Variants in RBM5 observed in about 807,000 individuals in gnomAD.
The protein encoded by RBM5 is RNA binding motif protein 5, also known as RNA-binding protein 5.
In RBM5, 15 loss-of-function variants were observed where a neutral mutation model predicts 124.6. The ratio of observed to expected loss-of-function variants is 0.12; its 90% CI spans 0.08 to 0.19. The LOEUF (loss-of-function observed/expected upper bound fraction) is 0.19. Among genes scored for constraint, RBM5 ranks in the 10% least tolerant of loss-of-function variants. The probability of loss-of-function intolerance (pLI) is 1.00; values close to 1 mark genes in which losing one functional copy is unlikely to be tolerated. For missense variants in RBM5, 580 were observed against 1,026.5 expected, an observed-to-expected ratio of 0.57 and a Z score of 5.94; for synonymous variants, 337 against 361.2, an observed-to-expected ratio of 0.93 and a Z score of 0.76.
chr3:50,118,202 T>A (rs572185069), intron 24 of RBM5, 129 bp from the exon 25 acceptor site: 1 of 1,281,178 alleles, frequency 7.8e-7, no homozygotes, highest in Non-Finnish European at 1.1e-6. Context: ...GGAGAAATCC[T>A]TGTCTTCATA....
In RBM5 at chr3:50,117,021, G is replaced by T; in HGVS notation, c.2095-53G>T. The T allele has an allele frequency of 6.6e-7, 1 of 1,518,076 alleles. No individual in the cohort carries two copies. The highest frequency in any genetic ancestry group is 9.1e-7 in the Non-Finnish European group (1 of 1,093,306). 94.0% of individuals were successfully genotyped at this position (1,518,076 alleles called of 1,614,324 possible). On this transcript the variant is annotated intron_variant, in intron 22 of 24. Coordinates refer to ENST00000347869, the MANE Select transcript of RBM5 (RefSeq NM_005778.4). This position sits in a 1 kb window ranked among gnomAD's most constrained non-coding sequence, Gnocchi z 4.2. Reference sequence around the variant, plus strand: ...TAGTTTTGAATAGGTGCATTAGACGGTTACAGGTTGAAGTCTGTGAACATT... The same window carrying T: ...TAGTTTTGAATAGGTGCATTAGACGTTTACAGGTTGAAGTCTGTGAACATT...
chr3:50,105,248 A>G (rs2091007400), intron 9 of RBM5, 106 bp downstream of exon 9: 2 of 959,970 alleles, frequency 2.1e-6, no homozygotes, highest in South Asian at 3.3e-5. Flanking sequence ...CTCTACTAAA[A>G]ATACAAAAAA....
chr3:50,111,592 C>G (rs2091145923), intron 17 of RBM5, among the ~76,000 whole-genome samples: 2 of 152,090 alleles, frequency 1.3e-5, no homozygotes, highest in Admixed American at 1.3e-4. Flanking sequence ...CCAGGCTGGT[C>G]TCGAACTCCT....
intron 11 of RBM5, 38 bp downstream of exon 11, chr3:50,106,902 T>C: frequency 6.8e-7 from 1 of 1,467,680 alleles, no homozygotes; most frequent in Non-Finnish European, 9.6e-7. Context: ...AACTACTGCA[T>C]ATGCACATTT....
At chr3:50,115,781 G>A (rs1415605254) in intron 21 of RBM5, 125 bp from the exon 22 acceptor site, 1 of 1,201,374 alleles carries the variant, frequency 8.3e-7, no homozygotes, top group African/African-American at 1.5e-5. Flanking sequence ...TCAAACTATA[G>A]TTTTTATGTG....
intron 9 of RBM5, 72 bp from the exon 10 acceptor site, chr3:50,105,477 C>G: frequency 6.8e-7 from 1 of 1,473,250 alleles, no homozygotes; most frequent in Non-Finnish European, 9.3e-7. Context: ...TGTACTTGAC[C>G]CTATCTTGGA....
At chr3:50,091,172 G>A (rs1179542667) in intron 2 of RBM5, among the ~76,000 whole-genome samples, 1 of 152,168 alleles carries the variant, frequency 6.6e-6, no homozygotes, top group Non-Finnish European at 1.5e-5. Context: ...ATGTCACATG[G>A]TATTTTAATG....
At chr3:50,098,076 A>G (rs915079754) in intron 4 of RBM5, among the ~76,000 whole-genome samples, 3 of 152,152 alleles carry the variant, frequency 2.0e-5, no homozygotes, top group Non-Finnish European at 4.4e-5. Flanking sequence ...CAGCCTGGGC[A>G]ACAGAGTGAG....
chr3:50,114,538 A>T (rs1484900585), intron 20 of RBM5: 4 of 376,432 alleles, frequency 1.1e-5, no homozygotes, highest in Non-Finnish European at 1.9e-5. Flanking sequence ...GAAAATTAAG[A>T]CAAGAAAAAG....
intron 22 of RBM5, 85 bp from the exon 23 acceptor site, chr3:50,116,989 G>A: frequency 8.1e-7 from 1 of 1,240,344 alleles, no homozygotes; most frequent in Non-Finnish European, 1.2e-6. Flanking sequence ...AAAAATACTT[G>A]AGGGGATAGT....
At chr3:50,106,926 AC>A (rs2091044101) in intron 11 of RBM5, 62 bp downstream of exon 11, 1 of 1,347,466 alleles carries the variant, frequency 7.4e-7, no homozygotes, top group African/African-American at 1.4e-5. Context: ...CAGTGTGCTA[AC>A]TGAACGCCAA....
chr3:50,093,648 T>G, intron 3 of RBM5, 72 bp from the exon 4 acceptor site: 1 of 1,480,066 alleles, frequency 6.8e-7, no homozygotes, highest in South Asian at 1.2e-5. Flanking sequence ...TAAGGATAAT[T>G]TCTAGGAGTG....
intron 3 of RBM5, chr3:50,092,863 C>A: frequency 3.7e-6 from 1 of 267,362 alleles, no homozygotes; most frequent in Non-Finnish European, 7.8e-6. Context: ...AGCCTGGGCA[C>A]CATAGGGAGA....
intron 22 of RBM5, chr3:50,116,312 A>C (rs1033227544): frequency 2.6e-5 from 7 of 266,036 alleles, no homozygotes; most frequent in African/African-American, 4.4e-5. Context: ...ATGGGCAAAG[A>C]AGTGCGCTTC....
intron 11 of RBM5, 60 bp from the exon 12 acceptor site, chr3:50,107,422 G>T: frequency 7.6e-7 from 1 of 1,324,282 alleles, no homozygotes; most frequent in South Asian, 1.2e-5. Context: ...TGGTGGTATA[G>T]GGGCACTAAT....
chr3:50,106,024 A>G (rs147443805), intron 10 of RBM5, among the ~76,000 whole-genome samples: 1 of 147,318 alleles, frequency 6.8e-6, no homozygotes, highest in Non-Finnish European at 1.5e-5. Flanking sequence ...ACCATCTCGG[A>G]TCACTGCAAC....
At chr3:50,108,735 C>T in intron 14 of RBM5, among the ~76,000 whole-genome samples, 1 of 152,070 alleles carries the variant, frequency 6.6e-6, no homozygotes, top group East Asian at 1.9e-4. Flanking sequence ...ATGTAGGGGG[C>T]ATATTCAGGG....
intron 9 of RBM5, 43 bp from the exon 10 acceptor site, chr3:50,105,506 G>C (rs1559687529): frequency 6.3e-7 from 1 of 1,591,450 alleles, no homozygotes; most frequent in Non-Finnish European, 8.6e-7. Flanking sequence ...GTACATTGGT[G>C]GTGGGAATGC....
At position 50,093,788 on chromosome 3, in the gene RBM5, G is replaced by A. The variant is rs2090754056; in HGVS notation, c.252G>A (p.Glu84=). 2.5e-6 allele frequency: 4 copies of A among 1,614,056 alleles called. No homozygotes were observed. The highest frequency in any genetic ancestry group is 3.4e-6 in the Non-Finnish European group (4 of 1,179,944). ...ACCATTCAGATGGTGACTATGGTGA[G>A]CACGACTATAGGCATGACATCAGTG... The part of the protein sequence containing the change: ...DGYHSDGDYG[E]HDYRHDISDE... Residue 84 remains glutamate (E), a synonymous_variant, in exon 4 of 25, where the codon GAG becomes GAA. Transcript: ENST00000347869.
Sources: allele counts gnomAD v4.1 joint callset (sites outside exome capture counted in the v4.1 genomes callset), GRCh38; gene constraint gnomAD v4.1.1; non-coding constraint Gnocchi (gnomAD v3.1); transcripts MANE v1.5; gene names NCBI Gene and HGNC (gene_info 2026-07-23, HGNC 2026-07-21).